MKLN1: variants seen among roughly 807,000 people sequenced by gnomAD.
MKLN1 encodes the protein muskelin 1, also known as muskelin.
Under a neutral mutation model 99.0 loss-of-function variants are expected in MKLN1, and 18 were observed. The ratio of observed to expected loss-of-function variants is 0.18; its 90% confidence interval spans 0.13 to 0.27. The LOEUF is 0.27. Among genes scored for constraint, MKLN1 ranks in the 10% least tolerant of loss-of-function variants. The pLI, the probability that MKLN1 is intolerant of heterozygous loss-of-function variation, is 1.00. For synonymous variants in MKLN1, 288 were observed against 293.2 expected, an observed-to-expected ratio of 0.98 and a Z score of 0.18; for missense variants, 621 against 875.9, an observed-to-expected ratio of 0.71 and a Z score of 3.67.
chr7:131,362,769 G>A (rs1800068853), intron 1 of MKLN1, among the ~76,000 whole-genome samples: 1 of 151,658 alleles, frequency 6.6e-6, no homozygotes, highest in South Asian at 2.1e-4. Flanking sequence ...GTTTTTGAAA[G>A]ATACTCTAGA....
intron 4 of MKLN1, among the ~76,000 whole-genome samples, chr7:131,393,025 T>C (rs1368383167): frequency 6.6e-6 from 1 of 152,082 alleles, no homozygotes. Flanking sequence ...GCCTCCCTAG[T>C]AGCACACCAC....
chr7:131,126,001 G>A (rs1423580427), intron 1 of MKLN1, among the ~76,000 whole-genome samples: 5 of 104,970 alleles, frequency 4.8e-5, no homozygotes, highest in Non-Finnish European at 8.8e-5. Context: ...GCGAGACTCC[G>A]TCTCAAAAAA....
intron 3 of MKLN1, among the ~76,000 whole-genome samples, chr7:131,299,199 C>T (rs1359274111): frequency 6.6e-6 from 1 of 152,164 alleles, no homozygotes. Flanking sequence ...GCAATGCCTC[C>T]TCTCTGTAAT....
At chr7:131,244,407 G>A (rs1797453988) in intron 3 of MKLN1, among the ~76,000 whole-genome samples, 1 of 152,020 alleles carries the variant, frequency 6.6e-6, no homozygotes, top group Non-Finnish European at 1.5e-5. Context: ...TTTCAGCAGG[G>A]CTCCTCTGAA....
chr7:131,305,197 C>T (rs930663097), intron 3 of MKLN1, among the ~76,000 whole-genome samples: 1 of 152,196 alleles, frequency 6.6e-6, no homozygotes, highest in African/African-American at 2.4e-5. Context: ...CATGAACAGA[C>T]TCAACCTTAA....
chr7:131,160,492 AATTATTATTATT>A (rs60725549), intron 2 of MKLN1, among the ~76,000 whole-genome samples: 8,963 of 138,932 alleles, frequency 0.065, 499 homozygotes, highest in African/African-American at 0.16. Context: ...TATTATTATT[AATTATTATTATT>A]ATTATTATTA....
chr7:131,440,986 G>C (rs556602879), intron 10 of MKLN1, among the ~76,000 whole-genome samples: 1 of 152,166 alleles, frequency 6.6e-6, no homozygotes, highest in Non-Finnish European at 1.5e-5. Context: ...ACTGGTATCA[G>C]ATTTCTCTAC....
chr7:131,325,900 TG>T (rs67878395), upstream of MKLN1, among the ~76,000 whole-genome samples: 10,240 of 77,094 alleles, frequency 0.13, 435 homozygotes, highest in Non-Finnish European at 0.17. Context: ...AGGAGAAAAG[TG>T]GGGGGGGGGT....
At chr7:131,239,992 G>A (rs544429902) in intron 3 of MKLN1, among the ~76,000 whole-genome samples, 1 of 152,168 alleles carries the variant, frequency 6.6e-6, no homozygotes, top group African/African-American at 2.4e-5. Context: ...GACCAGCCTG[G>A]GCAACATAGT....
At position 131,340,275 on chromosome 7, in the gene MKLN1, C is replaced by CTTTTTT. The variant is rs398006316; in HGVS notation, c.98+12294_98+12299dup. 4.4e-4 allele frequency among the ~76,000 whole-genome samples: 37 copies of CTTTTTT among 85,042 alleles called. 3 individuals are homozygous for CTTTTTT. The highest frequency in any genetic ancestry group is 5.0e-4 in the Admixed American group (3 of 6,058). The allele number at this position is 85,042 out of a possible 152,430, so 55.8% of individuals were successfully genotyped here. On this transcript the variant is annotated intron_variant, in intron 1 of 17. Coordinates refer to ENST00000352689, the MANE Select transcript of MKLN1 (RefSeq NM_013255.5). Reference sequence around the variant, plus strand: ...CATTTTTTACAGTTTGTAATTACGGCTTTTTTTTTTTTTTTTTTTTTGAGA... The same window carrying CTTTTTT: ...CATTTTTTACAGTTTGTAATTACGGCTTTTTTTTTTTTTTTTTTTTTTTTTTTGAGA...
chr7:131,188,915 C>T (rs1639937847), intron 2 of MKLN1, among the ~76,000 whole-genome samples: 2 of 152,180 alleles, frequency 1.3e-5, no homozygotes, highest in South Asian at 4.1e-4. Flanking sequence ...TCAGTGTCTT[C>T]AGCTAAGAGG....
At chr7:131,196,945 A>G (rs1167780285) in intron 2 of MKLN1, among the ~76,000 whole-genome samples, 3 of 152,104 alleles carry the variant, frequency 2.0e-5, no homozygotes, top group African/African-American at 7.2e-5. Flanking sequence ...CCCTGTTCCA[A>G]ATGCCGTGAC....
intron 3 of MKLN1, among the ~76,000 whole-genome samples, chr7:131,208,522 G>T (rs1379524175): frequency 1.3e-5 from 2 of 152,192 alleles, no homozygotes; most frequent in African/African-American, 4.8e-5. Flanking sequence ...CTGAGCCTGG[G>T]AGGTTGGTCG....
chr7:131,119,511 G>A (rs1795328373), intron 1 of MKLN1, among the ~76,000 whole-genome samples: 1 of 152,230 alleles, frequency 6.6e-6, no homozygotes, highest in South Asian at 2.1e-4. Flanking sequence ...TGCTCTAGTG[G>A]GGACTTTGTG....
At chr7:131,316,867 G>T (rs376442228) in intron 3 of MKLN1, among the ~76,000 whole-genome samples, 1 of 152,112 alleles carries the variant, frequency 6.6e-6, no homozygotes, top group East Asian at 1.9e-4. Flanking sequence ...AGAGATTGAA[G>T]ATCACCTTGC....
chr7:131,275,554 TATATATA>T (rs1797952290), intron 3 of MKLN1, among the ~76,000 whole-genome samples: 1 of 24,654 alleles, frequency 4.1e-5, no homozygotes, highest in African/African-American at 2.2e-4. Flanking sequence ...TATATATATA[TATATATA>T]TATATATTTT....
intron 6 of MKLN1, among the ~76,000 whole-genome samples, chr7:131,403,750 A>G (rs955583959): frequency 2.0e-5 from 3 of 152,206 alleles, no homozygotes; most frequent in Non-Finnish European, 4.4e-5. Context: ...AAGTCAGAAC[A>G]CACACAACAT....
rs146681509 is a variant in MKLN1, at chr7:131,420,047, G to A, written c.847+5337G>A. On this transcript the variant is annotated intron_variant, in intron 8 of 17. Coordinates refer to ENST00000352689, the MANE Select transcript of MKLN1 (RefSeq NM_013255.5). ...ATGGTAGTAGTAATGTTGAAAATTG[G>A]TCACATTTTGGATGTATTTTAAAAG... Among the ~76,000 whole-genome samples the A allele has an allele frequency of 7.2e-5, 11 of 152,204 alleles. 1 individual carries two copies. The highest frequency in any genetic ancestry group is 6.8e-3 in the Middle Eastern group (2 of 294).
rs144126595 is a variant in MKLN1 at position 131,130,440 on chromosome 7, G to A, written c.-418-12380G>A. 4.2e-3 allele frequency among the ~76,000 whole-genome samples: 646 copies of A among 152,246 alleles called. 2 individuals carry two copies. Among genetic ancestry groups the A allele is most frequent in the Non-Finnish European group, 6.7e-3 (455 of 68,014 alleles). On this transcript the variant is annotated intron_variant, in intron 1 of 7. Transcript: ENST00000416992. ...TTATCTACCATGTGCTTTAAGTCAC[G>A]TAATCCTCATGCCAGACCTCTAAGG...
Sources: gnomAD v4.1 joint callset for allele counts (sites outside exome capture counted in the v4.1 genomes callset) on GRCh38, gnomAD v4.1.1 for gene constraint, MANE v1.5 for transcripts, NCBI Gene and HGNC (gene_info 2026-07-23, HGNC 2026-07-21) for gene names.